KCNN2: variants seen among roughly 807,000 people sequenced by gnomAD.
The protein encoded by KCNN2 is potassium calcium-activated channel subfamily N member 2.
KCNN2 carries 24 observed loss-of-function variants against 55.5 expected under a neutral mutation model. The ratio of observed to expected loss-of-function variants is 0.43; its 90% confidence interval spans 0.31 to 0.61. The LOEUF (loss-of-function observed/expected upper bound fraction) is 0.61, where lower values mean the gene tolerates loss of function less well. KCNN2 is among the 20% of genes least tolerant of loss of function. The probability of loss-of-function intolerance (pLI) is 0.08; values close to 1 mark genes in which losing one functional copy is unlikely to be tolerated. For missense variants in KCNN2, 754 were observed against 853.6 expected, an observed-to-expected ratio of 0.88 and a Z score of 1.45; for synonymous variants, 431 against 336.1, an observed-to-expected ratio of 1.28 and a Z score of -3.09.
At position 114,215,065 on chromosome 5, in the gene KCNN2, T is replaced by G. The variant is rs549783875; in HGVS notation, c.-270-6415T>G. 2.0e-5 allele frequency among the ~76,000 whole-genome samples: 3 copies of G among 152,224 alleles called. No homozygotes were observed. The South Asian group carries it at 6.2e-4, about 32-fold the overall frequency. On this transcript the variant is annotated intron_variant, in intron 1 of 10. Transcript: ENST00000512097. Reference sequence around the variant, plus strand: ...TAGGAGGGAGGAGGAGTGTACTGATTTGGTGACAAGAATGTTTTGCTTTGT... The same window carrying G: ...TAGGAGGGAGGAGGAGTGTACTGATGTGGTGACAAGAATGTTTTGCTTTGT...
At chr5:114,416,691 CAT>C (rs1259102390) in intron 3 of KCNN2, among the ~76,000 whole-genome samples, 20 of 152,072 alleles carry the variant, frequency 1.3e-4, no homozygotes, top group African/African-American at 4.8e-4. Context: ...CTTTCTGTGT[CAT>C]ATAAAATATA....
chr5:114,198,563 A>G (rs1192541719), intron 1 of KCNN2, among the ~76,000 whole-genome samples: 1 of 152,004 alleles, frequency 6.6e-6, no homozygotes, highest in Non-Finnish European at 1.5e-5. Context: ...GTGCTGTGAT[A>G]CACATACGTG....
rs904375391 is a variant in KCNN2, at chr5:114,493,688, A to G, written c.2088+216A>G. Among the ~76,000 whole-genome samples, 28 of 152,202 alleles carry G rather than the reference A, an allele frequency of 1.8e-4. 1 individual carries two copies. The highest frequency in any genetic ancestry group is 1.2e-3 in the Admixed American group (19 of 15,276). ...TATTACGTTATTCAGCCCCATTCTG[A>G]AAACATTCCTAGTTACAGTGATTTG... On this transcript the variant is annotated intron_variant, in intron 7 of 7. Transcript: ENST00000673685.
intron 1 of KCNN2, among the ~76,000 whole-genome samples, chr5:114,192,689 T>C (rs1365010650): frequency 2.0e-5 from 3 of 152,152 alleles, no homozygotes; most frequent in Non-Finnish European, 4.4e-5. Flanking sequence ...AATCTTTGTA[T>C]GGCTCAGGGA....
intron 3 of KCNN2, among the ~76,000 whole-genome samples, chr5:114,461,170 G>T (rs535944782): frequency 6.6e-6 from 1 of 152,252 alleles, no homozygotes; most frequent in African/African-American, 2.4e-5. Flanking sequence ...TTGTGGCTGA[G>T]CATAGCACTG....
rs1491228527 is a variant in KCNN2, at chr5:114,241,792, A to ATGTGTG, written c.-185+20230_-185+20231insGTGTGT. 2.4e-4 allele frequency among the ~76,000 whole-genome samples: 5 copies of ATGTGTG among 20,966 alleles called. 2 individuals are homozygous for ATGTGTG. Among genetic ancestry groups the ATGTGTG allele is most frequent in the African/African-American group, 1.1e-3 (5 of 4,748 alleles). 13.8% of individuals were successfully genotyped at this position (20,966 alleles called of 152,430 possible). A position where few individuals can be genotyped will look rare whatever the true frequency, so the allele number is the denominator to read the frequency against. ...TATATATACATATATACGTATATAT[A>ATGTGTG]TGTATATATATACGTATATATATAT... On this transcript the variant is annotated intron_variant, in intron 2 of 10. Coordinates refer to the KCNN2 transcript ENST00000512097.
intron 4 of KCNN2, among the ~76,000 whole-genome samples, chr5:114,465,747 G>T (rs1761416244): frequency 6.6e-6 from 1 of 152,152 alleles, no homozygotes; most frequent in African/African-American, 2.4e-5. Flanking sequence ...CTATTCTTAG[G>T]CTGAGGAGCT....
At chr5:114,156,895 T>A (rs1017144966) in intron 1 of KCNN2, among the ~76,000 whole-genome samples, 1 of 152,150 alleles carries the variant, frequency 6.6e-6, no homozygotes, top group African/African-American at 2.4e-5. Flanking sequence ...TAGCTTATAG[T>A]CTACTGATGT....
chr5:114,319,611 G>T (rs1202926357), intron 2 of KCNN2, among the ~76,000 whole-genome samples: 2 of 152,070 alleles, frequency 1.3e-5, no homozygotes, highest in East Asian at 1.9e-4. Context: ...CTTTGCCATG[G>T]TTATTATAAA....
chr5:114,110,608 T>A (rs1021150634), intron 1 of KCNN2, among the ~76,000 whole-genome samples: 1 of 152,070 alleles, frequency 6.6e-6, no homozygotes, highest in African/African-American at 2.4e-5. Context: ...TTTCCCATTC[T>A]CTTTTGGACA....
At chr5:114,236,122 C>G (rs1023156583) in intron 2 of KCNN2, among the ~76,000 whole-genome samples, 3 of 152,106 alleles carry the variant, frequency 2.0e-5, no homozygotes, top group African/African-American at 7.2e-5. Context: ...TACTTTTCTC[C>G]TCTTTAGGTT....
At chr5:114,422,517 C>A (rs543134905) in intron 3 of KCNN2, among the ~76,000 whole-genome samples, 30 of 152,230 alleles carry the variant, frequency 2.0e-4, no homozygotes, top group South Asian at 4.2e-4. Flanking sequence ...ATAAGCCAGT[C>A]AGCTTATGGT....
At chr5:114,421,751 A>G (rs983242985) in intron 3 of KCNN2, among the ~76,000 whole-genome samples, 9 of 151,830 alleles carry the variant, frequency 5.9e-5, no homozygotes, top group Non-Finnish European at 1.2e-4. Context: ...CTGGGATTAC[A>G]GGCACCCGCC....
chr5:114,378,896 A>G (rs771666756), intron 2 of KCNN2, among the ~76,000 whole-genome samples: 6 of 152,190 alleles, frequency 3.9e-5, no homozygotes, highest in African/African-American at 4.8e-5. Flanking sequence ...GAAAGCCACA[A>G]ATTAAGGTGG....
At chr5:114,432,302 A>G (rs1056710653) in intron 3 of KCNN2, among the ~76,000 whole-genome samples, 1 of 152,164 alleles carries the variant, frequency 6.6e-6, no homozygotes, top group Non-Finnish European at 1.5e-5. Context: ...TGGAAGATTG[A>G]CCTTTTAACA....
At chr5:114,069,238 C>G (rs1357451841) in intron 1 of KCNN2, among the ~76,000 whole-genome samples, 1 of 152,316 alleles carries the variant, frequency 6.6e-6, no homozygotes, top group Non-Finnish European at 1.5e-5. Flanking sequence ...CGTTTGCCAG[C>G]TCACTTACTT....
At chr5:114,262,515 A>G (rs1755128952) in intron 2 of KCNN2, among the ~76,000 whole-genome samples, 1 of 152,164 alleles carries the variant, frequency 6.6e-6, no homozygotes, top group Non-Finnish European at 1.5e-5. Flanking sequence ...CCTGGGAGTG[A>G]ATCCTGGCTC....
At chr5:114,303,554 A>G (rs1047503743) in intron 2 of KCNN2, among the ~76,000 whole-genome samples, 17 of 152,222 alleles carry the variant, frequency 1.1e-4, no homozygotes, top group African/African-American at 3.9e-4. Context: ...GCTCGGAACC[A>G]CTGATTCACT....
intron 2 of KCNN2, among the ~76,000 whole-genome samples, chr5:114,347,592 T>C (rs1198767960): frequency 6.6e-6 from 1 of 152,232 alleles, no homozygotes; most frequent in Non-Finnish European, 1.5e-5. Context: ...TTGGTATATT[T>C]CACATAATTT....
Sources: allele counts gnomAD v4.1 joint callset (sites outside exome capture counted in the v4.1 genomes callset), GRCh38; gene constraint gnomAD v4.1.1; transcripts MANE v1.5; gene names NCBI Gene and HGNC (gene_info 2026-07-23, HGNC 2026-07-21).